Variants in CMTR1 observed in about 807,000 individuals in gnomAD.
The protein encoded by CMTR1 is cap methyltransferase 1.
Under a neutral mutation model 107.0 loss-of-function variants are expected in CMTR1, and 39 were observed. The observed-to-expected ratio is 0.36, with a 90% CI of 0.28 to 0.48. The LOEUF (loss-of-function observed/expected upper bound fraction) is 0.48. Ranked by LOEUF, CMTR1 falls within the 20% of genes least tolerant of loss-of-function variation. The probability of loss-of-function intolerance (pLI) is 0.99; values close to 1 mark genes in which losing one functional copy is unlikely to be tolerated. For synonymous variants in CMTR1, 366 were observed against 379.5 expected (o/e 0.96, Z 0.41); for missense variants, 672 against 1,064.9 (o/e 0.63, Z 5.14).
intron 19 of CMTR1, 200 bp from the exon 20 acceptor site, chr6:37,475,926 C>T (rs1761726928): frequency 2.1e-5 from 12 of 582,968 alleles, no homozygotes; most frequent in Non-Finnish European, 3.4e-5. Flanking sequence ...GGTCAGAATC[C>T]ACAGGGGCGG....
chr6:37,464,141 C>T (rs370269441), intron 13 of CMTR1, among the ~76,000 whole-genome samples: 26 of 152,102 alleles, frequency 1.7e-4, no homozygotes, highest in Admixed American at 3.3e-4. Context: ...TTTACAAATG[C>T]ATATATCCTT....
chr6:37,437,739 C>T (rs1031100129), intron 2 of CMTR1, among the ~76,000 whole-genome samples: 3 of 152,100 alleles, frequency 2.0e-5, no homozygotes, highest in African/African-American at 7.2e-5. Context: ...AATTTTACCT[C>T]TCACCTGGAA....
At chr6:37,440,898 C>T (rs183925729) in intron 2 of CMTR1, among the ~76,000 whole-genome samples, 1 of 152,220 alleles carries the variant, frequency 6.6e-6, no homozygotes, top group Non-Finnish European at 1.5e-5. Flanking sequence ...AATCTAACAG[C>T]CTGGCAACTC....
In CMTR1 at chr6:37,435,769, G is replaced by T; in HGVS notation, c.133+7G>T. The T allele has an allele frequency of 2.5e-6, 4 of 1,583,308 alleles. No individual in the cohort carries two copies. The highest frequency in any genetic ancestry group is 3.4e-6 in the Non-Finnish European group (4 of 1,169,424). ...GTCAGTCATGGAGCAAAAGGTACGTGTGCTTGTGTGGTCTGAGGCCACTGG... is the reference window on the plus strand; with the variant it reads ...GTCAGTCATGGAGCAAAAGGTACGTTTGCTTGTGTGGTCTGAGGCCACTGG... On this transcript the variant is annotated splice_region_variant and intron_variant, in intron 2 of 23. Transcript: ENST00000373451.
chr6:37,446,521 T>A (rs1325019244), intron 4 of CMTR1, 72 bp downstream of exon 4: 1 of 1,518,054 alleles, frequency 6.6e-7, no homozygotes, highest in Non-Finnish European at 8.9e-7. Flanking sequence ...AGAAGCCATA[T>A]CAACAAACTA....
chr6:37,445,483 CCTT>C (rs1771763587), intron 3 of CMTR1, among the ~76,000 whole-genome samples: 1 of 135,110 alleles, frequency 7.4e-6, no homozygotes, highest in African/African-American at 3.5e-5. Context: ...CCATACCTCA[CCTT>C]TTTTTTTTTT....
chr6:37,478,475 C>T lies in CMTR1; in HGVS notation c.2220C>T (p.Asp740=). 1 of 1,614,114 alleles carries T rather than the reference C, an allele frequency of 6.2e-7. No homozygotes were observed. Among genetic ancestry groups the T allele is most frequent in the South Asian group, 1.1e-5 (1 of 91,080 alleles). Residue 740 remains aspartate (D), a synonymous_variant, in exon 22 of 24, where the codon GAC becomes GAT. Transcript: ENST00000373451. ...AGCTCAGCTACACAGGGCGTGATGA[C>T]CGGCACTTTGTACCCATGGGCCTCT... ...TPKLSYTGRD[D]RHFVPMGLYI...
chr6:37,424,108 G>T, the CMTR1 span, among the ~76,000 whole-genome samples: 2 of 152,040 alleles, frequency 1.3e-5, no homozygotes, highest in Non-Finnish European at 2.9e-5. Context: ...TTCTAGCTTG[G>T]TTTTCTATGT....
intron 2 of CMTR1, among the ~76,000 whole-genome samples, chr6:37,441,731 C>A (rs1771681352): frequency 6.6e-6 from 1 of 152,162 alleles, no homozygotes; most frequent in South Asian, 2.1e-4. Context: ...CAAACTAATA[C>A]ATTCTTGTGT....
intron 9 of CMTR1, 144 bp from the exon 10 acceptor site, chr6:37,459,422 T>C: frequency 1.5e-6 from 1 of 688,210 alleles, no homozygotes; most frequent in Non-Finnish European, 2.7e-6. Context: ...TTCCTCCTGG[T>C]CCATCACTGT....
the CMTR1 span, among the ~76,000 whole-genome samples, chr6:37,426,170 T>G: frequency 1.3e-5 from 2 of 152,204 alleles, no homozygotes; most frequent in African/African-American, 2.4e-5. Context: ...TATTTCCAAT[T>G]TGTTTATACA....
rs561888567 is a variant in CMTR1, at chr6:37,442,369, A to G, written c.134-1630A>G. ...TTCTGAGGCCTGAACAGCTTGCACT[A>G]TTTGTAAGAGGAAATGTCTCAAGGA... On this transcript the variant is annotated intron_variant, in intron 2 of 23. Transcript: ENST00000373451. Among the ~76,000 whole-genome samples the G allele has an allele frequency of 2.4e-4, 37 of 152,332 alleles. 1 individual carries two copies. The highest frequency in any genetic ancestry group is 6.2e-4 in the South Asian group (3 of 4,830).
chr6:37,431,294 A>G (rs567647416), upstream of CMTR1, among the ~76,000 whole-genome samples: 12 of 152,288 alleles, frequency 7.9e-5, no homozygotes, highest in South Asian at 2.3e-3. Context: ...CATAAGCTCT[A>G]CAAGATTACC....
rs1268362783 is a variant in CMTR1, at chr6:37,473,469, G to C, written c.1690-1G>C. ...GTGTTTTCTCTGACTCGTGGCTGCAGGGCACTGAGATTGACATCTTCAGCT... is the reference window on the plus strand; with the variant it reads ...GTGTTTTCTCTGACTCGTGGCTGCACGGCACTGAGATTGACATCTTCAGCT... On this transcript the variant is annotated splice_acceptor_variant, in intron 16 of 23. Transcript: ENST00000373451. LOFTEE classifies it high-confidence loss of function. The C allele has an allele frequency of 6.2e-7, 1 of 1,612,772 alleles. No individual in the cohort carries two copies. The highest frequency in any genetic ancestry group is 8.5e-7 in the Non-Finnish European group (1 of 1,179,362).
chr6:37,470,623 A>G (rs541598634), intron 13 of CMTR1, among the ~76,000 whole-genome samples: 7 of 152,294 alleles, frequency 4.6e-5, no homozygotes, highest in Admixed American at 1.3e-4. Context: ...TTTTTATTAA[A>G]TGCCAGACAT....
chr6:37,457,230 AAC>A (rs1333221477), intron 8 of CMTR1, among the ~76,000 whole-genome samples: 5 of 151,972 alleles, frequency 3.3e-5, no homozygotes, highest in African/African-American at 1.2e-4. Context: ...AAAAAAAAAA[AAC>A]AAAAAAACCT....
chr6:37,446,524 A>G, intron 4 of CMTR1, 75 bp downstream of exon 4: 2 of 1,516,186 alleles, frequency 1.3e-6, no homozygotes, highest in Non-Finnish European at 1.8e-6. Context: ...AGCCATATCA[A>G]CAAACTAGAA....
intron 5 of CMTR1, among the ~76,000 whole-genome samples, chr6:37,450,771 A>G (rs1332496009): frequency 3.9e-5 from 6 of 152,246 alleles, no homozygotes; most frequent in African/African-American, 1.2e-4. Context: ...TACCAAATCA[A>G]TATGGTCTAG....
chr6:37,463,120 G>A, intron 13 of CMTR1, 112 bp downstream of exon 13: 1 of 1,151,852 alleles, frequency 8.7e-7, no homozygotes, highest in Non-Finnish European at 1.3e-6. Context: ...TGACAAATTG[G>A]CAACTGGGTT....
Sources: allele counts gnomAD v4.1 joint callset (sites outside exome capture counted in the v4.1 genomes callset), GRCh38; gene constraint gnomAD v4.1.1; transcripts MANE v1.5; gene names NCBI Gene and HGNC (gene_info 2026-07-23, HGNC 2026-07-21).